TBC1D14: variants seen among roughly 807,000 people sequenced by gnomAD.
TBC1D14 encodes the protein TBC1 domain family, member 14.
A neutral mutation model predicts 79.0 loss-of-function variants in TBC1D14; 26 were observed. That is an observed-to-expected ratio of 0.33 (90% CI 0.24 to 0.46). The LOEUF (loss-of-function observed/expected upper bound fraction) is 0.46. Among genes scored for constraint, TBC1D14 ranks in the 20% least tolerant of loss-of-function variants. The pLI, the probability that TBC1D14 is intolerant of heterozygous loss-of-function variation, is 1.00. For synonymous variants in TBC1D14, 394 were observed against 349.9 expected, an observed-to-expected ratio of 1.13 and a Z score of -1.40; for missense variants, 769 against 887.6, an observed-to-expected ratio of 0.87 and a Z score of 1.70.
chr4:7,015,161 A>G (rs1270603740), intron 12 of TBC1D14, among the ~76,000 whole-genome samples: 1 of 151,826 alleles, frequency 6.6e-6, no homozygotes, highest in Non-Finnish European at 1.5e-5. Context: ...CTTGGGCAGG[A>G]TTGCGGGGCC....
At chr4:6,974,784 C>T (rs541137500) in intron 3 of TBC1D14, among the ~76,000 whole-genome samples, 2 of 151,906 alleles carry the variant, frequency 1.3e-5, no homozygotes, top group African/African-American at 4.8e-5. Flanking sequence ...GTCTAGAATG[C>T]AGTTCAAAAT....
At chr4:6,917,534 G>A (rs1178959100) in intron 1 of TBC1D14, among the ~76,000 whole-genome samples, 1 of 152,068 alleles carries the variant, frequency 6.6e-6, no homozygotes, top group Non-Finnish European at 1.5e-5. Flanking sequence ...CTGAGGCCCC[G>A]ATGGCCTACC....
At chr4:7,020,539 A>C (rs955211943) in intron 12 of TBC1D14, among the ~76,000 whole-genome samples, 14 of 152,158 alleles carry the variant, frequency 9.2e-5, no homozygotes, top group African/African-American at 3.4e-4. Context: ...GGTTGGGAAA[A>C]TGGGGACACA....
intron 12 of TBC1D14, among the ~76,000 whole-genome samples, chr4:7,020,693 C>CTTGTT (rs909464165): frequency 7.2e-5 from 11 of 152,102 alleles, no homozygotes; most frequent in African/African-American, 1.4e-4. Context: ...TGAGTTTTTT[C>CTTGTT]TTGTTTTGTT....
At chr4:6,924,884 G>A (rs4608812) in intron 2 of TBC1D14, among the ~76,000 whole-genome samples, 84,906 of 151,974 alleles carry the variant, frequency 0.56, 23,848 homozygotes, top group East Asian at 0.67. Flanking sequence ...CTTAGGGTGG[G>A]CTTGTGGCCT....
At chr4:6,952,780 G>A (rs575337186) in intron 2 of TBC1D14, among the ~76,000 whole-genome samples, 13 of 152,218 alleles carry the variant, frequency 8.5e-5, no homozygotes, top group East Asian at 3.9e-4. Context: ...ACTGAATGGC[G>A]TTGGCTCCAA....
chr4:6,911,011 C>A (rs115747857), intron 1 of TBC1D14, among the ~76,000 whole-genome samples: 1 of 152,064 alleles, frequency 6.6e-6, no homozygotes, highest in Non-Finnish European at 1.5e-5. Flanking sequence ...TGCTGTCTTG[C>A]CTAGCTTTTA....
chr4:6,925,372 C>T (rs1415549222), intron 2 of TBC1D14, among the ~76,000 whole-genome samples: 1 of 152,188 alleles, frequency 6.6e-6, no homozygotes, highest in Non-Finnish European at 1.5e-5. Context: ...GCAGTTGACC[C>T]TGGCTGCCCC....
chr4:6,975,585 G>T (rs758278073), intron 3 of TBC1D14, among the ~76,000 whole-genome samples: 21 of 152,142 alleles, frequency 1.4e-4, no homozygotes, highest in Non-Finnish European at 2.5e-4. Context: ...AGACTTTAAA[G>T]CAGTCATTAT....
intron 12 of TBC1D14, among the ~76,000 whole-genome samples, 193 bp from the exon 13 acceptor site, chr4:7,024,811 C>T (rs1722182159): frequency 6.6e-6 from 1 of 152,180 alleles, no homozygotes; most frequent in Non-Finnish European, 1.5e-5. Context: ...TGATTCTGTG[C>T]GGAAGCTGAT....
rs564445942 is a variant in TBC1D14, at chr4:6,968,390, G to A, written c.843+966G>A. Among the ~76,000 whole-genome samples the A allele has an allele frequency of 3.9e-5, 6 of 152,356 alleles. No individual in the cohort carries two copies. The South Asian group carries it at 6.2e-4, about 16-fold the overall frequency. ...GGATCATGTACTGAGTGATTACTGT[G>A]TGCTAGTTCTAACGGACTCAGCACT... On this transcript the variant is annotated intron_variant, in intron 3 of 13. Transcript: ENST00000409757.
chr4:6,983,971 C>T (rs540229333), intron 3 of TBC1D14, among the ~76,000 whole-genome samples: 3 of 152,316 alleles, frequency 2.0e-5, no homozygotes, highest in South Asian at 2.1e-4. Context: ...GGTGCAAACA[C>T]TGTGGATCTT....
At chr4:6,916,158 G>T (rs950069252) in intron 1 of TBC1D14, among the ~76,000 whole-genome samples, 4 of 151,732 alleles carry the variant, frequency 2.6e-5, no homozygotes, top group Non-Finnish European at 4.4e-5. Context: ...TAAGAATCCG[G>T]AAGTCAGTGG....
At chr4:7,027,775 A>C (rs1722592199) in intron 13 of TBC1D14, among the ~76,000 whole-genome samples, 1 of 128,006 alleles carries the variant, frequency 7.8e-6, no homozygotes, top group Non-Finnish European at 1.6e-5. Flanking sequence ...CACACATCAC[A>C]CATCCATACA....
At chr4:7,006,605 G>A (rs924548699) in intron 8 of TBC1D14, 27 bp from the exon 9 acceptor site, 1 of 1,600,830 alleles carries the variant, frequency 6.2e-7, no homozygotes, top group Non-Finnish European at 8.6e-7. Context: ...CTTGAGGAAT[G>A]TAATTATTTT....
intron 3 of TBC1D14, among the ~76,000 whole-genome samples, chr4:6,980,886 T>G (rs1336698762): frequency 6.6e-6 from 1 of 151,486 alleles, no homozygotes; most frequent in Non-Finnish European, 1.5e-5. Context: ...CGGCTAATTT[T>G]TTGTATTTTT....
chr4:6,976,525 G>A lies in TBC1D14; in HGVS notation c.843+9101G>A, dbSNP rs117922574. 5.8e-4 allele frequency among the ~76,000 whole-genome samples: 89 copies of A among 152,322 alleles called. 1 individual carries two copies. The East Asian group carries it at 0.015, about 26-fold the overall frequency. ...CAGAAAAAGTAAAACGATATTGTTA[G>A]AGCGCCGAAAAGAACTGTCAACCCA... On this transcript the variant is annotated intron_variant, in intron 3 of 13. Transcript: ENST00000409757.
chr4:6,963,686 C>T (rs1375916008), intron 2 of TBC1D14, among the ~76,000 whole-genome samples: 3 of 152,212 alleles, frequency 2.0e-5, no homozygotes, highest in Non-Finnish European at 2.9e-5. Context: ...GTTTTGGGGT[C>T]GCACTTCAGC....
At chr4:6,934,243 G>A (rs1712077783) in intron 2 of TBC1D14, among the ~76,000 whole-genome samples, 1 of 151,966 alleles carries the variant, frequency 6.6e-6, no homozygotes, top group South Asian at 2.1e-4. Context: ...CAGGAGATCT[G>A]GGAGGAGAGG....
Sources: allele counts gnomAD v4.1 joint callset (sites outside exome capture counted in the v4.1 genomes callset), GRCh38; gene constraint gnomAD v4.1.1; transcripts MANE v1.5; gene names NCBI Gene and HGNC (gene_info 2026-07-23, HGNC 2026-07-21).